ADGRL2: variants seen among roughly 807,000 people sequenced by gnomAD.
ADGRL2 encodes the protein calcium-independent alpha-latrotoxin receptor 2.
A neutral mutation model predicts 157.4 loss-of-function variants in ADGRL2; 44 were observed. That is an observed-to-expected ratio of 0.28 (90% CI 0.22 to 0.36). The LOEUF (loss-of-function observed/expected upper bound fraction) is 0.36, where lower values mean the gene tolerates loss of function less well. Among genes scored for constraint, ADGRL2 ranks in the 10% least tolerant of loss-of-function variants. ADGRL2 has a pLI of 1.00. For synonymous variants in ADGRL2, 585 were observed against 624.7 expected (o/e 0.94, Z 0.95); for missense variants, 1,510 against 1,768.9 (o/e 0.85, Z 2.63).
intron 3 of ADGRL2, among the ~76,000 whole-genome samples, chr1:81,653,512 A>C (rs1489067079): frequency 6.6e-6 from 1 of 152,170 alleles, no homozygotes; most frequent in Non-Finnish European, 1.5e-5. Context: ...TTCTTCAGTG[A>C]AATGTGTTTA....
At chr1:81,906,140 T>C (rs2094580623) in intron 2 of ADGRL2, among the ~76,000 whole-genome samples, 1 of 152,168 alleles carries the variant, frequency 6.6e-6, no homozygotes, top group Admixed American at 6.5e-5. Flanking sequence ...CTCCATATAC[T>C]ATAAACCTTG....
At chr1:81,413,023 T>C (rs991467666) in intron 1 of ADGRL2, among the ~76,000 whole-genome samples, 12 of 152,228 alleles carry the variant, frequency 7.9e-5, no homozygotes, top group Non-Finnish European at 1.3e-4. Flanking sequence ...TCTACTTTTT[T>C]GTTATGCATA....
At chr1:81,426,533 T>A (rs2077220126) in intron 1 of ADGRL2, 2 of 429,370 alleles carry the variant, frequency 4.7e-6, no homozygotes, top group Non-Finnish European at 9.2e-6. Flanking sequence ...CAGAGGATCA[T>A]GATCCAAAGG....
chr1:81,910,273 A>ATAATAATAATAATAC (rs1408035940), intron 3 of ADGRL2, among the ~76,000 whole-genome samples: 78 of 147,750 alleles, frequency 5.3e-4, no homozygotes, highest in African/African-American at 1.8e-3. Context: ...AATAATAATA[A>ATAATAATAATAATAC]TACTACAATT....
At chr1:81,307,846 T>TA (rs1000277820) in intron 1 of ADGRL2, among the ~76,000 whole-genome samples, 10 of 151,450 alleles carry the variant, frequency 6.6e-5, no homozygotes, top group East Asian at 3.9e-4. Context: ...TCTTCTATTG[T>TA]AAAAAAAAAT....
At chr1:81,408,317 A>AT (rs56129762) in intron 1 of ADGRL2, among the ~76,000 whole-genome samples, 65,058 of 151,824 alleles carry the variant, frequency 0.43, 14,160 homozygotes, top group East Asian at 0.54. Context: ...CAGAATGCTC[A>AT]TTTTTTTTAA....
intron 1 of ADGRL2, among the ~76,000 whole-genome samples, chr1:81,708,402 T>C (rs948148407): frequency 1.3e-5 from 2 of 152,200 alleles, no homozygotes; most frequent in Admixed American, 1.3e-4. Flanking sequence ...TTTAAAGCAA[T>C]ATTGTTTCCA....
At chr1:81,693,976 A>G (rs1234351649) in intron 3 of ADGRL2, among the ~76,000 whole-genome samples, 1 of 152,226 alleles carries the variant, frequency 6.6e-6, no homozygotes, top group Non-Finnish European at 1.5e-5. Flanking sequence ...GGGCATCTGT[A>G]CATTATATGA....
chr1:81,804,559 T>C (rs995741616), intron 1 of ADGRL2, among the ~76,000 whole-genome samples: 4 of 152,264 alleles, frequency 2.6e-5, no homozygotes, highest in Non-Finnish European at 5.9e-5. Context: ...GCTGTGTTTC[T>C]GAACTTTTAC....
chr1:81,929,535 A>AT (rs2095181450), intron 3 of ADGRL2, among the ~76,000 whole-genome samples: 1 of 152,198 alleles, frequency 6.6e-6, no homozygotes, highest in Non-Finnish European at 1.5e-5. Context: ...CTCACAATAG[A>AT]TTACACATGG....
At chr1:81,666,653 TA>T (rs2082757063) in intron 3 of ADGRL2, among the ~76,000 whole-genome samples, 1 of 152,152 alleles carries the variant, frequency 6.6e-6, no homozygotes. Context: ...GGCCCATGAA[TA>T]AAACATATAA....
At chr1:81,347,478 T>A (rs148635708) in intron 1 of ADGRL2, among the ~76,000 whole-genome samples, 1 of 152,184 alleles carries the variant, frequency 6.6e-6, no homozygotes, top group African/African-American at 2.4e-5. Flanking sequence ...ATGATACTTA[T>A]AAAATACGAA....
In ADGRL2 at chr1:81,835,719, A is replaced by C. The variant is rs533018349; in HGVS notation, c.-100-1166A>C. Among the ~76,000 whole-genome samples, 3 of 152,198 alleles carry C rather than the reference A, an allele frequency of 2.0e-5. No individual in the cohort carries two copies. In the South Asian group the frequency reaches 6.2e-4, roughly 32 times the overall value. On this transcript the variant is annotated intron_variant, in intron 1 of 23. Coordinates refer to ENST00000686636, the MANE Select transcript of ADGRL2 (RefSeq NM_001366006.2). ...ATGCCTCCCTCTCCCCTGTGTCTTCAGTGCTTTCAGAGAGAGAGCTAAAAC... is the reference window on the plus strand; with the variant it reads ...ATGCCTCCCTCTCCCCTGTGTCTTCCGTGCTTTCAGAGAGAGAGCTAAAAC...
chr1:81,803,323 C>T lies in ADGRL2; in HGVS notation c.-101+2255C>T, dbSNP rs2088589950. On this transcript the variant is annotated intron_variant, in intron 1 of 23. Coordinates refer to ENST00000686636, the MANE Select transcript of ADGRL2 (RefSeq NM_001366006.2). ...TGGAGGTGCGCCTGCGAGACTTCTG[C>T]GCTTGGGACCCGTAAAGTTTGTTCC... is the stretch of plus-strand genomic sequence containing the variant. Among the ~76,000 whole-genome samples the T allele has an allele frequency of 2.0e-5, 3 of 152,040 alleles. No individual in the cohort carries two copies. In the South Asian group the frequency reaches 6.2e-4, roughly 31 times the overall value.
At chr1:81,701,177 T>A (rs1297844975) in intron 1 of ADGRL2, among the ~76,000 whole-genome samples, 5 of 152,228 alleles carry the variant, frequency 3.3e-5, no homozygotes, top group African/African-American at 7.2e-5. Flanking sequence ...ATCGGTGGCA[T>A]ACCTTGTTTT....
intron 1 of ADGRL2, among the ~76,000 whole-genome samples, chr1:81,374,621 G>A (rs1175654747): frequency 6.6e-6 from 1 of 150,376 alleles, no homozygotes; most frequent in Non-Finnish European, 1.5e-5. Context: ...AGTGAAATGA[G>A]TAGGGCAAGT....
At chr1:81,597,549 A>G (rs1251056914) in intron 3 of ADGRL2, among the ~76,000 whole-genome samples, 1 of 152,194 alleles carries the variant, frequency 6.6e-6, no homozygotes, top group Non-Finnish European at 1.5e-5. Context: ...TAATAACCAT[A>G]TGGATAGGTA....
intron 2 of ADGRL2, among the ~76,000 whole-genome samples, chr1:81,838,885 G>C (rs2150235596): frequency 6.6e-6 from 1 of 152,044 alleles, no homozygotes; most frequent in South Asian, 2.1e-4. Flanking sequence ...TGCTTCTGAA[G>C]CACTTCCCTC....
chr1:81,561,635 A>AT (rs1258974305), intron 2 of ADGRL2, among the ~76,000 whole-genome samples: 2 of 151,558 alleles, frequency 1.3e-5, no homozygotes, highest in African/African-American at 4.8e-5. Flanking sequence ...TAATTTTTGT[A>AT]TTTTAGTAGA....
Sources: gnomAD v4.1 joint callset for allele counts (sites outside exome capture counted in the v4.1 genomes callset) on GRCh38, gnomAD v4.1.1 for gene constraint, MANE v1.5 for transcripts, NCBI Gene and HGNC (gene_info 2026-07-23, HGNC 2026-07-21) for gene names.